The following OPA1 variants were observed in gnomAD, a reference collection of about 807,000 sequenced individuals.
OPA1 encodes dynamin-like GTPase OPA1, mitochondrial.
A neutral mutation model predicts 152.9 loss-of-function variants in OPA1; 59 were observed. The ratio of observed to expected loss-of-function variants is 0.39; its 90% confidence interval spans 0.31 to 0.48. OPA1 has a LOEUF of 0.48. Ranked by LOEUF, OPA1 falls within the 20% of genes least tolerant of loss-of-function variation. The pLI is 0.96. For missense variants in OPA1, 1,008 were observed against 1,216.8 expected, an observed-to-expected ratio of 0.83 and a Z score of 2.55; for synonymous variants, 400 against 389.9, an observed-to-expected ratio of 1.03 and a Z score of -0.31.
chr3:193,658,952 T>A lies in OPA1; in HGVS notation c.2397T>A (p.Ala799=), dbSNP rs747208278. ...SISDKQQWDA[A]IYFMEEALQA... is the part of the protein sequence containing the mutation. ...CTGATAAACAGCAATGGGATGCAGC[T>A]ATTTATTTTATGGAAGAGGCTCTGC... The change falls in exon 24 of 31, where the codon GCT becomes GCA. Residue 799 remains alanine (A), a synonymous_variant. Coordinates refer to ENST00000361510, the MANE Select transcript of OPA1 (RefSeq NM_130837.3). The A allele has an allele frequency of 6.2e-7, 1 of 1,613,962 alleles. No individual in the cohort carries two copies. Among genetic ancestry groups the A allele is most frequent in the South Asian group, 1.1e-5 (1 of 91,074 alleles).
chr3:193,618,994 T>A lies in OPA1; in HGVS notation c.678+58T>A, dbSNP rs1449405136. ...GTCTTGAAAGATTTTTTAAAGTTTT[T>A]ACTTCTTTGGAAGATTTTAAAATGA... On this transcript the variant is annotated intron_variant, in intron 6 of 30. Coordinates refer to ENST00000361510, the MANE Select transcript of OPA1 (RefSeq NM_130837.3). 15 of 1,346,818 alleles carry A rather than the reference T, an allele frequency of 1.1e-5. No individual in the cohort carries two copies. The African/African-American group carries it at 2.1e-4, about 19-fold the overall frequency. The allele number at this position is 1,346,818 out of a possible 1,614,324, so 83.4% of individuals were successfully genotyped here.
rs187654813 is a variant in OPA1, at chr3:193,671,638, G to A, written c.2983+4358G>A. ...TTTGGAAAATACCATTATTCATAGCGAATACAAAGTAGAATATTTGGGGAT... is the reference window on the plus strand; with the variant it reads ...TTTGGAAAATACCATTATTCATAGCAAATACAAAGTAGAATATTTGGGGAT... On this transcript the variant is annotated intron_variant, in intron 29 of 30. Transcript: ENST00000361510. Among the ~76,000 whole-genome samples the A allele has an allele frequency of 1.1e-4, 16 of 152,200 alleles. No individual in the cohort carries two copies. The South Asian group carries it at 1.5e-3, about 14-fold the overall frequency.
At chr3:193,652,563 A>AC (rs371211028) in intron 21 of OPA1, among the ~76,000 whole-genome samples, 14 of 152,126 alleles carry the variant, frequency 9.2e-5, no homozygotes, top group African/African-American at 3.4e-4. Flanking sequence ...GGAGGACTTA[A>AC]CTTCTACTTT....
intron 9 of OPA1, 46 bp from the exon 10 acceptor site, chr3:193,637,149 C>A: frequency 9.6e-7 from 1 of 1,045,444 alleles, no homozygotes; most frequent in Middle Eastern, 2.9e-4. Context: ...ATATTTTTTT[C>A]TTTACTTTTA....
chr3:193,691,411 T>C (rs1186737405), intron 29 of OPA1: 3 of 152,242 alleles, frequency 2.0e-5, no homozygotes, highest in Non-Finnish European at 4.4e-5. Flanking sequence ...AATCTACCTC[T>C]AGTGGCTCTG....
intron 22 of OPA1, 115 bp from the exon 23 acceptor site, chr3:193,656,965 T>C: frequency 1.1e-6 from 1 of 927,682 alleles, no homozygotes; most frequent in South Asian, 1.7e-5. Flanking sequence ...ACATATATTT[T>C]CTGATAAGCT....
At chr3:193,648,169 CTTAA>C (rs1486396764) in intron 20 of OPA1, 35 bp downstream of exon 20, 1 of 1,489,598 alleles carries the variant, frequency 6.7e-7, no homozygotes, top group African/African-American at 1.4e-5. Context: ...TTGTATATAT[CTTAA>C]TTTAATGTTG....
rs1343108783 is a variant in OPA1, at chr3:193,664,910, A to C, written c.2692A>C (p.Arg898=). 3.7e-6 allele frequency: 6 copies of C among 1,601,648 alleles called. No individual in the cohort carries two copies. Among genetic ancestry groups the C allele is most frequent in the Non-Finnish European group, 5.1e-6 (6 of 1,169,268 alleles). ...IKDTWHQVYR[R]HFLKTALNHC... is the part of the protein sequence containing the mutation. ...GGATACTTGGCATCAAGTTTATAGA[A>C]GACATTTTTTAAAAACAGCTCTAAA... is the stretch of plus-strand genomic sequence containing the variant. The change falls in exon 27 of 31, where the codon AGA becomes CGA. Residue 898 remains arginine (R), a synonymous_variant. Transcript: ENST00000361510.
At chr3:193,598,949 T>C (rs1726033997) in intron 1 of OPA1, among the ~76,000 whole-genome samples, 1 of 152,232 alleles carries the variant, frequency 6.6e-6, no homozygotes, top group African/African-American at 2.4e-5. Context: ...CTCTGGTTGA[T>C]ATCCCTCTCT....
At chr3:193,617,327 C>A (rs567310703) in intron 4 of OPA1, 42 bp downstream of exon 4, 8 of 1,180,702 alleles carry the variant, frequency 6.8e-6, no homozygotes, top group Admixed American at 1.8e-5. Context: ...AATTTAAGAA[C>A]CATGGAGGAA....
In OPA1 at chr3:193,662,821, G is replaced by T; in HGVS notation, c.2521-1G>T. On this transcript the variant is annotated splice_acceptor_variant, in intron 25 of 30. Coordinates refer to ENST00000361510, the MANE Select transcript of OPA1 (RefSeq NM_130837.3). LOFTEE classifies it high-confidence loss of function. ...ACAGTCCTTTTTTAAACATTTTAAAGTGTGTTCACAATGAAACCAAGAATG... is the reference window on the plus strand; with the variant it reads ...ACAGTCCTTTTTTAAACATTTTAAATTGTGTTCACAATGAAACCAAGAATG... The T allele has an allele frequency of 6.2e-7, 1 of 1,612,620 alleles. No homozygotes were observed. The highest frequency in any genetic ancestry group is 8.5e-7 in the Non-Finnish European group (1 of 1,178,942).
chr3:193,633,479 T>C (rs1387108369), intron 8 of OPA1, among the ~76,000 whole-genome samples: 2 of 152,210 alleles, frequency 1.3e-5, no homozygotes, highest in Non-Finnish European at 2.9e-5. Context: ...TTCTACCCTC[T>C]TATATGCCTT....
In OPA1 at chr3:193,643,998, A is replaced by T. The variant is rs1734166054; in HGVS notation, c.1501A>T (p.Ser501Cys). The T allele has an allele frequency of 6.2e-7, 1 of 1,613,754 alleles. No individual in the cohort carries two copies. Among genetic ancestry groups the T allele is most frequent in the South Asian group, 1.1e-5 (1 of 91,086 alleles). Reference protein sequence around the residue: ...IQDGSVDAERSIVTDLVSQMD... With the variant: ...IQDGSVDAERCIVTDLVSQMD... The stretch of plus-strand genomic sequence containing the variant: ...AGATGGATCTGTGGATGCTGAACGC[A>T]GTATTGTTACAGACTTGGTCAGTCA... The change falls in exon 16 of 31, where the codon AGT (serine) becomes TGT (cysteine). Residue 501 changes from serine (S) to cysteine (C), a missense_variant. By Grantham distance (112) the Ser-to-Cys change is moderately radical. Around this residue, in one of 7 missense-constraint regions of OPA1, gnomAD observed 213 missense variants for 291.4 expected, o/e 0.73. Transcript: ENST00000361510.
rs374356219 is a variant in OPA1 at position 193,601,166 on chromosome 3, A to G, written c.32+7757A>G. Among the ~76,000 whole-genome samples the G allele has an allele frequency of 8.7e-4, 132 of 152,188 alleles. 2 individuals are homozygous for G. The South Asian group carries it at 0.027, about 31-fold the overall frequency. On this transcript the variant is annotated intron_variant, in intron 1 of 30. Coordinates refer to ENST00000361510, the MANE Select transcript of OPA1 (RefSeq NM_130837.3). ...CCAAATCCAAGAATTTTCCCAATAT[A>G]CAAATTAGTTTTAAATTCCGTACAA...
chr3:193,621,084 C>A (rs1729973163), intron 6 of OPA1, among the ~76,000 whole-genome samples: 1 of 152,172 alleles, frequency 6.6e-6, no homozygotes, highest in Non-Finnish European at 1.5e-5. Flanking sequence ...TTGAAGCAGT[C>A]AAGTATTAGT....
At chr3:193,677,291 CTTTTTTT>C (rs752472474) in intron 29 of OPA1, among the ~76,000 whole-genome samples, 20 of 125,436 alleles carry the variant, frequency 1.6e-4, no homozygotes, top group African/African-American at 5.3e-4. Context: ...TCTTTTACTT[CTTTTTTT>C]TTTTTTTTTT....
chr3:193,638,164 G>C, intron 11 of OPA1, 99 bp downstream of exon 11: 1 of 843,838 alleles, frequency 1.2e-6, no homozygotes, highest in Non-Finnish European at 2.0e-6. Flanking sequence ...ACCAAAGAAA[G>C]ACTTGATACA....
chr3:193,626,969 T>C (rs1293288181), intron 7 of OPA1, among the ~76,000 whole-genome samples: 1 of 152,160 alleles, frequency 6.6e-6, no homozygotes, highest in Non-Finnish European at 1.5e-5. Context: ...GAAGAGACTT[T>C]TGGGTCAAAG....
rs111769322 is a variant in OPA1, at chr3:193,681,557, G to A, written c.2984-10506G>A. On this transcript the variant is annotated intron_variant, in intron 29 of 30. Coordinates refer to ENST00000361510, the MANE Select transcript of OPA1 (RefSeq NM_130837.3). ...ACGTACAGGCAGACCTCATTGTATT[G>A]CATGTCACTTTATTGCACTTCACAG... 3.3e-5 allele frequency among the ~76,000 whole-genome samples: 5 copies of A among 152,300 alleles called. 1 individual carries two copies. The highest frequency in any genetic ancestry group is 9.6e-5 in the African/African-American group (4 of 41,558).
Sources: allele counts gnomAD v4.1 joint callset (sites outside exome capture counted in the v4.1 genomes callset), GRCh38; gene constraint gnomAD v4.1.1; regional missense constraint gnomAD v4.1.1; transcripts MANE v1.5; gene names NCBI Gene and HGNC (gene_info 2026-07-23, HGNC 2026-07-21).